Variants in FBXL7 observed in about 807,000 individuals in gnomAD.
FBXL7 encodes the protein F-box/LRR-repeat protein 7.
In FBXL7, 12 loss-of-function variants were observed where a neutral mutation model predicts 38.3. That is an observed-to-expected ratio of 0.31 (90% CI 0.20 to 0.51). The LOEUF (loss-of-function observed/expected upper bound fraction) is 0.51. Among genes scored for constraint, FBXL7 ranks in the 20% least tolerant of loss-of-function variants. The pLI, the probability that FBXL7 is intolerant of heterozygous loss-of-function variation, is 0.98. For missense variants in FBXL7, 567 were observed against 676.4 expected, an observed-to-expected ratio of 0.84 and a Z score of 1.79; for synonymous variants, 297 against 300.9, an observed-to-expected ratio of 0.99 and a Z score of 0.13.
Position 15,886,446 on chromosome 5 carries a change from C to A in FBXL7, c.128-41444C>A, listed in dbSNP as rs184527393. On this transcript the variant is annotated intron_variant, in intron 2 of 3. Transcript: ENST00000504595. ...AAAGGGACTTTTTAGATTAGAGAGG[C>A]CTAAATTTGTCCTGACTCCAAAAAG... Among the ~76,000 whole-genome samples the A allele has an allele frequency of 1.2e-4, 18 of 152,178 alleles. No individual in the cohort carries two copies. The South Asian group carries it at 1.2e-3, about 11-fold the overall frequency.
Position 15,634,514 on chromosome 5 carries a change from GGT to G in FBXL7, c.127+18443_127+18444del, listed in dbSNP as rs199728234. Among the ~76,000 whole-genome samples the G allele has an allele frequency of 2.6e-4, 39 of 148,874 alleles. No individual in the cohort carries two copies. In the East Asian group the frequency reaches 6.9e-3, roughly 26 times the overall value. On this transcript the variant is annotated intron_variant, in intron 2 of 3. Transcript: ENST00000504595. ...TTTTTGTATTTTTAGTTGGGGGGGG[GGT>G]TTACCCTAGGGCCAGGCTGGTGTCG...
At chr5:15,862,492 G>A (rs1182415143) in intron 2 of FBXL7, among the ~76,000 whole-genome samples, 4 of 152,028 alleles carry the variant, frequency 2.6e-5, no homozygotes, top group African/African-American at 4.8e-5. Flanking sequence ...GTATATTATT[G>A]TACTGAATCC....
At chr5:15,544,993 A>G (rs1187187488) in intron 1 of FBXL7, among the ~76,000 whole-genome samples, 1 of 152,234 alleles carries the variant, frequency 6.6e-6, no homozygotes, top group Non-Finnish European at 1.5e-5. Flanking sequence ...AGAGAAAGAA[A>G]GAAATGAATC....
chr5:15,541,668 C>T (rs1434861619), intron 1 of FBXL7, among the ~76,000 whole-genome samples: 1 of 150,562 alleles, frequency 6.6e-6, no homozygotes, highest in Non-Finnish European at 1.5e-5. Flanking sequence ...CCTCAGCCTC[C>T]CAAGTAGCTG....
intron 2 of FBXL7, among the ~76,000 whole-genome samples, chr5:15,811,937 C>T (rs1010095191): frequency 7.9e-5 from 12 of 152,252 alleles, no homozygotes; most frequent in African/African-American, 2.9e-4. Context: ...GGTGATTCCT[C>T]AAGGATCTAG....
chr5:15,538,066 A>G (rs1480377152), intron 1 of FBXL7, among the ~76,000 whole-genome samples: 3 of 152,206 alleles, frequency 2.0e-5, no homozygotes, highest in Non-Finnish European at 2.9e-5. Flanking sequence ...TCTTCTGCAC[A>G]TCTTGTTTCT....
intron 2 of FBXL7, among the ~76,000 whole-genome samples, chr5:15,715,565 G>C (rs1663811259): frequency 6.6e-6 from 1 of 150,502 alleles, no homozygotes; most frequent in South Asian, 2.1e-4. Flanking sequence ...TAGTGAATAT[G>C]TTACACTTTG....
intron 2 of FBXL7, among the ~76,000 whole-genome samples, chr5:15,652,998 A>G (rs1043580779): frequency 6.6e-6 from 1 of 152,336 alleles, no homozygotes. Context: ...CTATAAATGT[A>G]TACACTTACT....
chr5:15,569,249 A>G (rs1367311609), intron 1 of FBXL7, among the ~76,000 whole-genome samples: 1 of 151,718 alleles, frequency 6.6e-6, no homozygotes, highest in Non-Finnish European at 1.5e-5. Flanking sequence ...ATTTGTTTGT[A>G]TCCTCTTTTA....
At chr5:15,859,124 G>C (rs1331107861) in intron 2 of FBXL7, among the ~76,000 whole-genome samples, 1 of 152,184 alleles carries the variant, frequency 6.6e-6, no homozygotes, top group Non-Finnish European at 1.5e-5. Flanking sequence ...AGTAGATGAT[G>C]CAGTGATTCA....
At chr5:15,827,882 C>T (rs1050826793) in intron 2 of FBXL7, among the ~76,000 whole-genome samples, 1 of 152,170 alleles carries the variant, frequency 6.6e-6, no homozygotes, top group Admixed American at 6.5e-5. Flanking sequence ...ATTGGTAACA[C>T]CTGCTGTGAA....
intron 2 of FBXL7, among the ~76,000 whole-genome samples, chr5:15,803,598 C>T (rs528977066): frequency 6.6e-6 from 1 of 150,666 alleles, no homozygotes; most frequent in East Asian, 1.9e-4. Flanking sequence ...CTCTCTTTCT[C>T]TCTGCATTCC....
intron 2 of FBXL7, among the ~76,000 whole-genome samples, chr5:15,654,391 G>A (rs1244514781): frequency 6.9e-6 from 1 of 145,150 alleles, no homozygotes; most frequent in Non-Finnish European, 1.5e-5. Context: ...TTTTAATTCT[G>A]TATGGGAGGA....
At chr5:15,706,279 A>T (rs542281186) in intron 2 of FBXL7, among the ~76,000 whole-genome samples, 90 of 152,230 alleles carry the variant, frequency 5.9e-4, no homozygotes, top group South Asian at 6.2e-4. Context: ...ATGGTTATTT[A>T]AAAGTGTGTG....
At chr5:15,743,043 G>T (rs1735931553) in intron 2 of FBXL7, among the ~76,000 whole-genome samples, 1 of 152,130 alleles carries the variant, frequency 6.6e-6, no homozygotes, top group South Asian at 2.1e-4. Context: ...GACATGCAGG[G>T]ATTATGGGAG....
intron 1 of FBXL7, among the ~76,000 whole-genome samples, chr5:15,592,075 A>T (rs1277555409): frequency 2.6e-5 from 4 of 152,164 alleles, no homozygotes; most frequent in Admixed American, 2.6e-4. Flanking sequence ...ACTACACTGA[A>T]GCATCTCAGA....
chr5:15,895,533 T>C (rs1488614877), intron 2 of FBXL7, among the ~76,000 whole-genome samples: 1 of 152,090 alleles, frequency 6.6e-6, no homozygotes, highest in East Asian at 1.9e-4. Flanking sequence ...TTAGTGAATA[T>C]TTCATTTGCA....
intron 2 of FBXL7, among the ~76,000 whole-genome samples, chr5:15,864,123 T>G (rs980651159): frequency 6.6e-6 from 1 of 152,036 alleles, no homozygotes; most frequent in Non-Finnish European, 1.5e-5. Context: ...GCAACCCAAA[T>G]GGACTAAGAC....
At position 15,813,022 on chromosome 5, in the gene FBXL7, G is replaced by C. The variant is rs1012183573; in HGVS notation, c.128-114868G>C. Among the ~76,000 whole-genome samples the C allele has an allele frequency of 2.0e-5, 3 of 152,164 alleles. No individual in the cohort carries two copies. The East Asian group carries it at 5.8e-4, about 29-fold the overall frequency. On this transcript the variant is annotated intron_variant, in intron 2 of 3. Transcript: ENST00000504595. ...CTGAAGATGCTTATCAGCTTAAGGAGATTTTGGGCTGAGATGATGGGGTTT... is the reference window on the plus strand; with the variant it reads ...CTGAAGATGCTTATCAGCTTAAGGACATTTTGGGCTGAGATGATGGGGTTT...
Sources: gnomAD v4.1 joint callset for allele counts (sites outside exome capture counted in the v4.1 genomes callset) on GRCh38, gnomAD v4.1.1 for gene constraint, MANE v1.5 for transcripts, NCBI Gene and HGNC (gene_info 2026-07-23, HGNC 2026-07-21) for gene names.